PATJ: variants seen among roughly 807,000 people sequenced by gnomAD.
The protein encoded by PATJ is inaD-like protein.
In PATJ, 190 loss-of-function variants were observed where a neutral mutation model predicts 224.9. The observed-to-expected ratio is 0.84, with a 90% CI of 0.75 to 0.95. The LOEUF (loss-of-function observed/expected upper bound fraction) is 0.95. Ranked by LOEUF, PATJ falls within the 40% of genes least tolerant of loss-of-function variation. The probability of loss-of-function intolerance (pLI) is 0.00; values close to 1 mark genes in which losing one functional copy is unlikely to be tolerated. For missense variants in PATJ, 2,121 were observed against 2,270.3 expected, an observed-to-expected ratio of 0.93 and a Z score of 1.34; for synonymous variants, 769 against 820.3, an observed-to-expected ratio of 0.94 and a Z score of 1.07.
chr1:61,900,811 G>A (rs1383737759), intron 23 of PATJ, among the ~76,000 whole-genome samples: 6 of 151,992 alleles, frequency 3.9e-5, no homozygotes, highest in South Asian at 2.1e-4. Flanking sequence ...GGATGGTCTC[G>A]ATCTCCTGAC....
intron 30 of PATJ, among the ~76,000 whole-genome samples, chr1:62,040,643 A>G (rs1651305202): frequency 6.6e-6 from 1 of 152,128 alleles, no homozygotes; most frequent in Non-Finnish European, 1.5e-5. Flanking sequence ...TGTTTGAGGA[A>G]TATGGCTGGA....
chr1:62,080,412 A>G (rs578237290), intron 32 of PATJ, among the ~76,000 whole-genome samples: 43 of 152,130 alleles, frequency 2.8e-4, no homozygotes, highest in Middle Eastern at 3.4e-3. Context: ...GCTCACTGCA[A>G]CCTCTGCCTC....
intron 7 of PATJ, among the ~76,000 whole-genome samples, chr1:61,780,688 T>G (rs1231746045): frequency 1.3e-5 from 2 of 150,810 alleles, no homozygotes; most frequent in African/African-American, 2.4e-5. Flanking sequence ...CAAAGTGGAG[T>G]GGTTATTGTG....
intron 43 of PATJ, among the ~76,000 whole-genome samples, chr1:62,159,437 C>G (rs977308273): frequency 5.3e-5 from 8 of 152,212 alleles, no homozygotes; most frequent in African/African-American, 1.9e-4. Flanking sequence ...GGTGATCCTC[C>G]TGCCTTGACC....
chr1:62,101,337 C>T (rs1662152914), intron 33 of PATJ, among the ~76,000 whole-genome samples: 1 of 148,592 alleles, frequency 6.7e-6, no homozygotes. Flanking sequence ...AGTCTCGGCT[C>T]ACTGCAAACT....
rs1343124833 is a variant in PATJ at position 61,833,785 on chromosome 1, G to C, written c.2112G>C (p.Gln704His). Residue 704 changes from glutamine to histidine, a missense_variant and splice_region_variant, in exon 17 of 44, where the codon CAG becomes CAC. Gln to His is a conservative substitution (Grantham distance 24). Transcript: ENST00000642238. ...KGLGFSILDY[Q>H]DPLDPTRSVI... The stretch of plus-strand genomic sequence containing the variant: ...TGGGATTCAGCATTTTGGATTACCA[G>C]GTATAAGAACCTGTGTAGAGGTGTT... 3.7e-6 allele frequency: 6 copies of C among 1,612,594 alleles called. No individual in the cohort carries two copies. The highest frequency in any genetic ancestry group is 1.7e-5 in the Admixed American group (1 of 59,842).
rs1218285369 is a variant in PATJ at position 62,106,045 on chromosome 1, TAA to T, written c.4378-2374_4378-2373del. Reference sequence around the variant, plus strand: ...CTGGGCAACATAGTGAGACTCCTCTTAAAAAAAAAAAAAAAAAAATATATATA... The same window carrying T: ...CTGGGCAACATAGTGAGACTCCTCTTAAAAAAAAAAAAAAAAATATATATA... On this transcript the variant is annotated intron_variant, in intron 33 of 43. Transcript: ENST00000642238. Among the ~76,000 whole-genome samples, 52 of 30,196 alleles carry T rather than the reference TAA, an allele frequency of 1.7e-3. 2 individuals are homozygous for T. The highest frequency in any genetic ancestry group is 0.024 in the Middle Eastern group (1 of 42). The allele number at this position is 30,196 out of a possible 152,430, so 19.8% of individuals were successfully genotyped here. A position where few individuals can be genotyped will look rare whatever the true frequency, so the allele number is the denominator to read the frequency against.
chr1:61,849,983 G>A (rs1662558722), intron 17 of PATJ, among the ~76,000 whole-genome samples: 1 of 152,080 alleles, frequency 6.6e-6, no homozygotes, highest in African/African-American at 2.4e-5. Context: ...TCTTATTGAT[G>A]CATTTGCCAG....
At position 62,149,974 on chromosome 1, in the gene PATJ, T is replaced by C. The variant is rs918240149; in HGVS notation, c.5378+1584T>C. On this transcript the variant is annotated intron_variant, in intron 42 of 43. Transcript: ENST00000642238. ...CTGAAAACATGTCCCTGAGTATAGATAGGCACAATTATAAGGGTCTTTAAT... is the reference window on the plus strand; with the variant it reads ...CTGAAAACATGTCCCTGAGTATAGACAGGCACAATTATAAGGGTCTTTAAT... Among the ~76,000 whole-genome samples, 21 of 152,176 alleles carry C rather than the reference T, an allele frequency of 1.4e-4. 1 individual carries two copies. The highest frequency in any genetic ancestry group is 7.2e-4 in the Admixed American group (11 of 15,274).
intron 31 of PATJ, among the ~76,000 whole-genome samples, chr1:62,076,742 G>T (rs565279954): frequency 6.6e-6 from 1 of 152,284 alleles, no homozygotes; most frequent in South Asian, 2.1e-4. Flanking sequence ...AATCTAGATT[G>T]CTCTCTTTAG....
At chr1:61,998,025 A>G (rs1645509099) in intron 28 of PATJ, among the ~76,000 whole-genome samples, 1 of 122,116 alleles carries the variant, frequency 8.2e-6, no homozygotes, top group Admixed American at 9.3e-5. Context: ...AATTATATAT[A>G]ATATATTATA....
At chr1:61,938,302 TC>T (rs1276743332) in intron 27 of PATJ, among the ~76,000 whole-genome samples, 3 of 152,142 alleles carry the variant, frequency 2.0e-5, no homozygotes, top group Admixed American at 2.0e-4. Context: ...AATTATTTTG[TC>T]CAGAGTGCTA....
chr1:61,897,505 G>A (rs146644894), intron 22 of PATJ, among the ~76,000 whole-genome samples: 97 of 152,266 alleles, frequency 6.4e-4, no homozygotes, highest in Non-Finnish European at 1.1e-3. Flanking sequence ...TTAATGTATG[G>A]CCTTACTCCT....
At chr1:61,847,102 A>T (rs1662092076) in intron 17 of PATJ, among the ~76,000 whole-genome samples, 1 of 152,226 alleles carries the variant, frequency 6.6e-6, no homozygotes, top group Non-Finnish European at 1.5e-5. Context: ...AAGAGATGAA[A>T]CATCCAAGGA....
At chr1:61,812,847 TA>T (rs923162238) in intron 14 of PATJ, among the ~76,000 whole-genome samples, 6 of 151,382 alleles carry the variant, frequency 4.0e-5, no homozygotes, top group Non-Finnish European at 5.9e-5. Flanking sequence ...AGATTCTGTC[TA>T]AAAAAAATAA....
chr1:62,067,864 G>A (rs762995393), intron 31 of PATJ, among the ~76,000 whole-genome samples: 6 of 152,268 alleles, frequency 3.9e-5, no homozygotes, highest in South Asian at 4.1e-4. Flanking sequence ...GCAGTGGCAC[G>A]ATCTCAGCTC....
chr1:61,824,249 G>A (rs79926839), intron 15 of PATJ, among the ~76,000 whole-genome samples: 10 of 139,396 alleles, frequency 7.2e-5, no homozygotes, highest in African/African-American at 2.1e-4. Flanking sequence ...TTTTTTTTTC[G>A]AGACGGGGTC....
intron 27 of PATJ, among the ~76,000 whole-genome samples, chr1:61,983,107 T>G (rs1038382584): frequency 1.9e-4 from 29 of 152,128 alleles, no homozygotes; most frequent in African/African-American, 6.5e-4. Flanking sequence ...TTAGTTCCTT[T>G]TGCCTGAATT....
At chr1:62,155,158 G>GAGTT (rs1396599698) in intron 43 of PATJ, among the ~76,000 whole-genome samples, 3 of 152,204 alleles carry the variant, frequency 2.0e-5, no homozygotes, top group Non-Finnish European at 2.9e-5. Context: ...GAAGGCTGCA[G>GAGTT]AGTTAGCCCC....
Sources: gnomAD v4.1 joint callset for allele counts (sites outside exome capture counted in the v4.1 genomes callset) on GRCh38, gnomAD v4.1.1 for gene constraint, MANE v1.5 for transcripts, NCBI Gene and HGNC (gene_info 2026-07-23, HGNC 2026-07-21) for gene names.